CTIF: variants seen among roughly 807,000 people sequenced by gnomAD.
CTIF encodes CBP80/20-dependent translation initiation factor.
In CTIF, 21 loss-of-function variants were observed where a neutral mutation model predicts 66.0. The observed-to-expected ratio is 0.32, with a 90% CI of 0.23 to 0.46. The LOEUF (loss-of-function observed/expected upper bound fraction) is 0.46. CTIF is among the 20% of genes least tolerant of loss of function. CTIF has a pLI of 1.00. For synonymous variants in CTIF, 345 were observed against 326.4 expected, an observed-to-expected ratio of 1.06 and a Z score of -0.62; for missense variants, 739 against 812.7, an observed-to-expected ratio of 0.91 and a Z score of 1.10.
At chr18:48,626,384 A>G (rs1310083914) in intron 2 of CTIF, among the ~76,000 whole-genome samples, 1 of 151,492 alleles carries the variant, frequency 6.6e-6, no homozygotes, top group African/African-American at 2.4e-5. Context: ...GTCTTGCACT[A>G]TCGCCCGGGC....
At chr18:48,562,053 A>G (rs2089174859) in intron 1 of CTIF, among the ~76,000 whole-genome samples, 1 of 152,368 alleles carries the variant, frequency 6.6e-6, no homozygotes, top group Non-Finnish European at 1.5e-5. Flanking sequence ...ATTTACAGAA[A>G]ACACTTGCTC....
At chr18:48,685,810 G>A (rs1211756967) in intron 6 of CTIF, among the ~76,000 whole-genome samples, 1 of 152,026 alleles carries the variant, frequency 6.6e-6, no homozygotes, top group East Asian at 1.9e-4. Context: ...CCAAGTAGCT[G>A]GGATTACAGG....
At chr18:48,617,544 A>T (rs1051079069) in intron 1 of CTIF, among the ~76,000 whole-genome samples, 2 of 152,122 alleles carry the variant, frequency 1.3e-5, no homozygotes, top group African/African-American at 4.8e-5. Flanking sequence ...GAAGCAGGGG[A>T]TGACTTAGGT....
chr18:48,751,138 G>C (rs561799169), intron 7 of CTIF, among the ~76,000 whole-genome samples: 7 of 152,328 alleles, frequency 4.6e-5, no homozygotes, highest in Non-Finnish European at 7.3e-5. Context: ...GCATCCCTGT[G>C]ATGTGAGTTT....
intron 9 of CTIF, among the ~76,000 whole-genome samples, chr18:48,815,409 A>C (rs2068341458): frequency 6.6e-6 from 1 of 152,254 alleles, no homozygotes; most frequent in African/African-American, 2.4e-5. Flanking sequence ...GACCTGCCTT[A>C]TAGGACCATT....
At chr18:48,847,850 A>T (rs980671024) in intron 10 of CTIF, among the ~76,000 whole-genome samples, 2 of 152,148 alleles carry the variant, frequency 1.3e-5, no homozygotes, top group Non-Finnish European at 2.9e-5. Flanking sequence ...ATTTTTGATG[A>T]TAGCCTTTCT....
At chr18:48,717,402 AAAATAAATAAATAAATAAATAAAT>A (rs145983579) in intron 7 of CTIF, among the ~76,000 whole-genome samples, 11 of 144,872 alleles carry the variant, frequency 7.6e-5, no homozygotes, top group African/African-American at 2.8e-4. Flanking sequence ...CTGTCTTTAA[AAAATAAATAAATAAATAAATAAAT>A]AAATAAATAA....
intron 6 of CTIF, among the ~76,000 whole-genome samples, chr18:48,698,374 A>C (rs956625250): frequency 6.6e-6 from 1 of 152,020 alleles, no homozygotes; most frequent in Non-Finnish European, 1.5e-5. Flanking sequence ...TGGGGAGGCA[A>C]CTATGTATTT....
At chr18:48,675,061 A>C (rs976873794) in intron 6 of CTIF, among the ~76,000 whole-genome samples, 1 of 4,398 alleles carries the variant, frequency 2.3e-4, no homozygotes. Context: ...GCGGGGGTGG[A>C]GTGGGTGGGA....
chr18:48,705,557 A>G (rs978292657), intron 6 of CTIF, among the ~76,000 whole-genome samples: 2 of 152,262 alleles, frequency 1.3e-5, no homozygotes, highest in Non-Finnish European at 2.9e-5. Flanking sequence ...GGGGAACACA[A>G]TTCTACCTCC....
chr18:48,861,481 C>CG lies in CTIF; in HGVS notation c.*1926dup, dbSNP rs2069465905. ...CCTCGAGGGAGGAGCCGGGCTGATG[C>CG]GGGGCTGCTCAGGGCAGGCCCCAGG... On this transcript the variant is annotated 3_prime_UTR_variant, in exon 12 of 12. Transcript: ENST00000256413. 6.6e-6 allele frequency: 1 copy of CG among 151,694 alleles called. No homozygotes were observed. Among genetic ancestry groups the CG allele is most frequent in the South Asian group, 2.1e-4 (1 of 4,842 alleles). 9.4% of individuals were successfully genotyped at this position (151,694 alleles called of 1,614,324 possible).
chr18:48,657,135 C>T (rs1214022426), intron 3 of CTIF, among the ~76,000 whole-genome samples: 1 of 152,078 alleles, frequency 6.6e-6, no homozygotes, highest in Non-Finnish European at 1.5e-5. Context: ...CCATGGAACC[C>T]TAGTCCTGCA....
chr18:48,731,588 G>A (rs377576704), intron 7 of CTIF, among the ~76,000 whole-genome samples: 1 of 152,206 alleles, frequency 6.6e-6, no homozygotes, highest in East Asian at 1.9e-4. Context: ...GTTTGTCTGT[G>A]ATAAGTGAAA....
chr18:48,592,497 C>CAAAAAAA (rs34825594), intron 1 of CTIF, among the ~76,000 whole-genome samples: 1 of 117,634 alleles, frequency 8.5e-6, no homozygotes, highest in African/African-American at 3.2e-5. Flanking sequence ...AACCCTGTCT[C>CAAAAAAA]AAAAAAAAAA....
intron 2 of CTIF, among the ~76,000 whole-genome samples, chr18:48,622,396 G>A (rs553994683): frequency 6.6e-6 from 1 of 152,104 alleles, no homozygotes; most frequent in East Asian, 1.9e-4. Context: ...AGAGGGAGAG[G>A]CCAGGAGGAG....
At chr18:48,628,430 C>T (rs1214380071) in intron 2 of CTIF, among the ~76,000 whole-genome samples, 2 of 152,106 alleles carry the variant, frequency 1.3e-5, no homozygotes, top group African/African-American at 4.8e-5. Flanking sequence ...CATTGTTTCT[C>T]ACATGTTAAC....
At chr18:48,667,294 G>A (rs1452546611) in intron 5 of CTIF, among the ~76,000 whole-genome samples, 2 of 152,166 alleles carry the variant, frequency 1.3e-5, no homozygotes, top group Non-Finnish European at 1.5e-5. Flanking sequence ...ATATAGACAG[G>A]TATAAAGTGT....
chr18:48,545,204 A>G lies in CTIF; in HGVS notation c.-29+5892A>G, dbSNP rs371276165. Among the ~76,000 whole-genome samples, 108 of 152,338 alleles carry G rather than the reference A, an allele frequency of 7.1e-4. 1 individual carries two copies. Among genetic ancestry groups the G allele is most frequent in the African/African-American group, 2.5e-3 (103 of 41,570 alleles). On this transcript the variant is annotated intron_variant, in intron 1 of 11. Coordinates refer to ENST00000256413, the MANE Select transcript of CTIF (RefSeq NM_014772.3). ...AACCGCAAGCAGTGAGGTCAAATGC[A>G]AAGGCGGAGATGCAGACAGCGCTCA...
intron 1 of CTIF, among the ~76,000 whole-genome samples, chr18:48,560,226 A>ATTTT (rs34752495): frequency 1.1e-4 from 14 of 131,358 alleles, no homozygotes; most frequent in Non-Finnish European, 2.1e-4. Flanking sequence ...TTTGGAGGCT[A>ATTTT]TTTTTTTTTT....
Sources: allele counts gnomAD v4.1 joint callset (sites outside exome capture counted in the v4.1 genomes callset), GRCh38; gene constraint gnomAD v4.1.1; transcripts MANE v1.5; gene names NCBI Gene and HGNC (gene_info 2026-07-23, HGNC 2026-07-21).